PBK: variants seen among roughly 807,000 people sequenced by gnomAD.
PBK encodes the protein PDZ binding kinase.
PBK carries 22 observed loss-of-function variants against 33.5 expected under a neutral mutation model. That is an observed-to-expected ratio of 0.66 (90% CI 0.47 to 0.94). PBK has a LOEUF of 0.94. Ranked by LOEUF, PBK falls within the 40% of genes least tolerant of loss-of-function variation. PBK has a pLI of 0.00. For missense variants in PBK, 376 were observed against 383.4 expected, an observed-to-expected ratio of 0.98 and a Z score of 0.16; for synonymous variants, 129 against 123.8, an observed-to-expected ratio of 1.04 and a Z score of -0.28.
At chr8:27,816,594 T>C (rs2128962314) in intron 6 of PBK, among the ~76,000 whole-genome samples, 1 of 151,896 alleles carries the variant, frequency 6.6e-6, no homozygotes, top group South Asian at 2.1e-4. Context: ...GCCAGGATGG[T>C]CTCAATCTCC....
At chr8:27,819,544 C>T (rs764472952) in intron 6 of PBK, among the ~76,000 whole-genome samples, 6 of 152,008 alleles carry the variant, frequency 3.9e-5, no homozygotes, top group Non-Finnish European at 7.4e-5. Context: ...TCTAGATTTA[C>T]AGCATTGATG....
intron 2 of PBK, among the ~76,000 whole-genome samples, chr8:27,831,631 A>G (rs1054138766): frequency 4.6e-5 from 7 of 152,134 alleles, no homozygotes; most frequent in Non-Finnish European, 8.8e-5. Flanking sequence ...ACCAACATAC[A>G]TAAACCTCAA....
In PBK at chr8:27,833,712, T is replaced by TAA. The variant is rs34622248; in HGVS notation, c.-20-581_-20-580dup. ...TTATAAAGTAATATATGCACTTAGC[T>TAA]AAAAAAAAAATCACCTAGTACAAAA... On this transcript the variant is annotated intron_variant, in intron 1 of 7. Coordinates refer to ENST00000301905, the MANE Select transcript of PBK (RefSeq NM_018492.4). Among the ~76,000 whole-genome samples the TAA allele has an allele frequency of 1.1e-3, 158 of 150,078 alleles. 1 individual carries two copies. Among genetic ancestry groups the TAA allele is most frequent in the Admixed American group, 8.1e-3 (122 of 15,082 alleles).
intron 6 of PBK, among the ~76,000 whole-genome samples, chr8:27,817,313 T>TA (rs1193868952): frequency 6.6e-6 from 1 of 152,140 alleles, no homozygotes; most frequent in African/African-American, 2.4e-5. Flanking sequence ...TTTATCATCA[T>TA]AGAAAGTTTC....
chr8:27,810,296 A>T lies in PBK; in HGVS notation c.*9T>A. 1 of 1,588,990 alleles carries T rather than the reference A, an allele frequency of 6.3e-7. No homozygotes were observed. ...ATTTACGCAAGCCACACTTCAGCTG[A>T]GATGATCACTAGACATCTGTTTCCA... On this transcript the variant is annotated 3_prime_UTR_variant, in exon 8 of 8. Coordinates refer to ENST00000301905, the MANE Select transcript of PBK (RefSeq NM_018492.4).
intron 1 of PBK, among the ~76,000 whole-genome samples, chr8:27,835,533 C>T (rs183329952): frequency 6.6e-6 from 1 of 151,558 alleles, no homozygotes; most frequent in African/African-American, 2.4e-5. Context: ...TGTGATGTGG[C>T]ACCTCAGAGA....
intron 1 of PBK, among the ~76,000 whole-genome samples, chr8:27,835,409 G>T (rs1210479267): frequency 6.6e-6 from 1 of 152,134 alleles, no homozygotes; most frequent in East Asian, 1.9e-4. Context: ...CTTTGGGAAA[G>T]GATAAACTAT....
chr8:27,819,782 C>T (rs7011506), intron 6 of PBK, among the ~76,000 whole-genome samples: 23,933 of 151,934 alleles, frequency 0.16, 2,394 homozygotes, highest in East Asian at 0.37. Context: ...TATCCTTTTA[C>T]TTTCTAAAGT....
In PBK at chr8:27,833,081, G is replaced by T; in HGVS notation, c.33C>A (p.Ser11Arg). The change falls in exon 2 of 8, where the codon AGC becomes AGA. Residue 11 changes from serine to arginine, a missense_variant. By Grantham distance (110) the Ser-to-Arg change is moderately radical. Coordinates refer to ENST00000301905, the MANE Select transcript of PBK (RefSeq NM_018492.4). MEGISNFKTP[S>R]KLSEKKKSVL... ...CAGATTTCTTTTTTTCTGATAATTTGCTTGGTGTCTTGAAATTACTGATCC... is the reference window on the plus strand; with the variant it reads ...CAGATTTCTTTTTTTCTGATAATTTTCTTGGTGTCTTGAAATTACTGATCC... The T allele has an allele frequency of 1.9e-6, 3 of 1,594,918 alleles. No individual in the cohort carries two copies. Among genetic ancestry groups the T allele is most frequent in the South Asian group, 1.1e-5 (1 of 88,104 alleles).
intron 6 of PBK, chr8:27,811,412 T>C (rs573264105): frequency 1.6e-4 from 86 of 534,616 alleles, no homozygotes; most frequent in Admixed American, 3.5e-4. Context: ...TTACAGACTC[T>C]GGAGCCAGAC....
chr8:27,816,337 C>T (rs1422198458), intron 6 of PBK, among the ~76,000 whole-genome samples: 3 of 129,012 alleles, frequency 2.3e-5, no homozygotes, highest in Non-Finnish European at 4.9e-5. Context: ...GGCTTTTCAT[C>T]GAATACTATA....
intron 2 of PBK, among the ~76,000 whole-genome samples, chr8:27,830,001 A>G (rs1806097742): frequency 6.6e-6 from 1 of 151,338 alleles, no homozygotes; most frequent in African/African-American, 2.4e-5. Flanking sequence ...CCAGGAGTTC[A>G]AGACCAGCCT....
intron 3 of PBK, among the ~76,000 whole-genome samples, chr8:27,825,478 C>T (rs536318741): frequency 6.6e-6 from 1 of 152,188 alleles, no homozygotes; most frequent in African/African-American, 2.4e-5. Context: ...CGTAGATACC[C>T]TCCTTAATTC....
chr8:27,821,875 AATATC>A (rs529809500), intron 5 of PBK, among the ~76,000 whole-genome samples: 464 of 151,512 alleles, frequency 3.1e-3, no homozygotes, highest in African/African-American at 0.01. Flanking sequence ...ATAAGATTAT[AATATC>A]ATATTTTGAT....
chr8:27,830,296 G>A (rs1274562156), intron 2 of PBK, among the ~76,000 whole-genome samples: 1 of 147,638 alleles, frequency 6.8e-6, no homozygotes, highest in African/African-American at 2.5e-5. Context: ...ATGATACAAA[G>A]GAAAATCTGA....
At chr8:27,817,755 T>A (rs1045615852) in intron 6 of PBK, among the ~76,000 whole-genome samples, 19 of 152,156 alleles carry the variant, frequency 1.2e-4, no homozygotes, top group African/African-American at 4.6e-4. Context: ...TAAATACAGC[T>A]TTCCAAACTG....
intron 6 of PBK, among the ~76,000 whole-genome samples, chr8:27,814,794 C>G (rs1179085799): frequency 6.6e-6 from 1 of 152,044 alleles, no homozygotes; most frequent in Non-Finnish European, 1.5e-5. Context: ...TTTCCAAATA[C>G]TTGGGGTTTC....
At chr8:27,822,267 T>C (rs368908110) in intron 5 of PBK, 52 bp downstream of exon 5, 28 of 1,302,228 alleles carry the variant, frequency 2.2e-5, no homozygotes, top group African/African-American at 3.0e-5. Context: ...TATTTGTTCA[T>C]TTAAAATATG....
intron 3 of PBK, among the ~76,000 whole-genome samples, chr8:27,827,749 A>G (rs1162996118): frequency 6.6e-6 from 1 of 152,258 alleles, no homozygotes; most frequent in East Asian, 1.9e-4. Flanking sequence ...GACAGCAGTC[A>G]CTGACATCAC....
Sources: gnomAD v4.1 joint callset for allele counts (sites outside exome capture counted in the v4.1 genomes callset) on GRCh38, gnomAD v4.1.1 for gene constraint, MANE v1.5 for transcripts, NCBI Gene and HGNC (gene_info 2026-07-23, HGNC 2026-07-21) for gene names.